The following FAM76B variants were observed in gnomAD, a reference collection of about 807,000 sequenced individuals.
The protein encoded by FAM76B is protein FAM76B.
In FAM76B, 16 loss-of-function variants were observed where a neutral mutation model predicts 51.8. The observed-to-expected ratio is 0.31, with a 90% CI of 0.21 to 0.47. FAM76B has a LOEUF of 0.47. Among genes scored for constraint, FAM76B ranks in the 20% least tolerant of loss-of-function variants. The probability of loss-of-function intolerance (pLI) is 1.00; values close to 1 mark genes in which losing one functional copy is unlikely to be tolerated. For missense variants in FAM76B, 342 were observed against 392.6 expected, an observed-to-expected ratio of 0.87 and a Z score of 1.09; for synonymous variants, 166 against 129.5, an observed-to-expected ratio of 1.28 and a Z score of -1.91.
At position 95,770,601 on chromosome 11, in the gene FAM76B, A is replaced by C. The variant is rs1032143376; in HGVS notation, c.*960T>G. On this transcript the variant is annotated 3_prime_UTR_variant, in exon 10 of 10. Coordinates refer to ENST00000358780, the MANE Select transcript of FAM76B (RefSeq NM_144664.5). The stretch of plus-strand genomic sequence containing the variant: ...CTCTTTAAGAAGCAACTTAAAATTA[A>C]ATCTTTGGGGAACTATTTTGACATA... 3 of 151,810 alleles carry C rather than the reference A, an allele frequency of 2.0e-5. No homozygotes were observed. The highest frequency in any genetic ancestry group is 4.4e-5 in the Non-Finnish European group (3 of 67,470). The allele number at this position is 151,810 out of a possible 1,614,324, so 9.4% of individuals were successfully genotyped here.
chr11:95,776,967 A>G (rs574747504), intron 8 of FAM76B, among the ~76,000 whole-genome samples: 1 of 151,112 alleles, frequency 6.6e-6, no homozygotes, highest in South Asian at 2.1e-4. Flanking sequence ...AATTCAAAGT[A>G]TAACTAAGTT....
Position 95,778,839 on chromosome 11 carries a change from A to C in FAM76B, c.811T>G (p.Leu271Val), listed in dbSNP as rs1396855125. Residue 271 changes from leucine to valine, a missense_variant, in exon 8 of 10, where the codon TTA becomes GTA. Physicochemically the swap from Leu to Val is conservative, Grantham distance 32. Around this residue, in one of 3 missense-constraint regions of FAM76B, gnomAD observed 230 missense variants for 257.4 expected, o/e 0.89. Coordinates refer to ENST00000358780, the MANE Select transcript of FAM76B (RefSeq NM_144664.5). ...GTTCTTACCTTTTTATCTTTTTCTA[A>C]AATGGTCTGGTCTCTCTGCTGTAAG... is the stretch of plus-strand genomic sequence containing the variant. ...RLLQQRDQTI[L>V]EKDKKLTELK... 6.2e-7 allele frequency: 1 copy of C among 1,602,454 alleles called. No homozygotes were observed. The highest frequency in any genetic ancestry group is 1.7e-5 in the Admixed American group (1 of 57,716).
rs377202589 is a variant in FAM76B at position 95,789,751 on chromosome 11, G to C, written c.-273C>G. The C allele has an allele frequency of 1.3e-5, 6 of 446,330 alleles. No homozygotes were observed. Among genetic ancestry groups the C allele is most frequent in the South Asian group, 7.0e-5 (2 of 28,472 alleles). 27.6% of individuals were successfully genotyped at this position (446,330 alleles called of 1,614,324 possible). A position where few individuals can be genotyped will look rare whatever the true frequency, so the allele number is the denominator to read the frequency against. ...GGCGGAGGGAGACGAAGCGGGTAGG[G>C]GGTTGCTGTTTAGCTGTGCGGCCGT... On this transcript the variant is annotated 5_prime_UTR_variant, in exon 1 of 10. Transcript: ENST00000358780.
At position 95,779,943 on chromosome 11, in the gene FAM76B, T is replaced by C. The variant is rs369139641; in HGVS notation, c.564-17A>G. The stretch of plus-strand genomic sequence containing the variant: ...TTGCTGATTCTGAAAAATACACAAA[T>C]GACATCTAATAATGACATTTATTTA... On this transcript the variant is annotated splice_polypyrimidine_tract_variant and intron_variant, in intron 5 of 9. Coordinates refer to ENST00000358780, the MANE Select transcript of FAM76B (RefSeq NM_144664.5). 456 of 1,598,556 alleles carry C rather than the reference T, an allele frequency of 2.9e-4. 2 individuals are homozygous for C. Among genetic ancestry groups the C allele is most frequent in the Non-Finnish European group, 3.4e-4 (396 of 1,172,656 alleles).
chr11:95,779,715 T>C (rs1860170942), intron 6 of FAM76B, 28 bp from the exon 7 acceptor site: 2 of 1,599,682 alleles, frequency 1.3e-6, no homozygotes, highest in Non-Finnish European at 8.5e-7. Context: ...TAAGAATAGT[T>C]AGAGTAAAAA....
chr11:95,789,581 C>T lies in FAM76B; in HGVS notation c.-103G>A, dbSNP rs1860879847. On this transcript the variant is annotated 5_prime_UTR_variant, in exon 1 of 10. Transcript: ENST00000358780. The stretch of plus-strand genomic sequence containing the variant: ...CCGGGCCGCGGGCTCCTCCTCCTCC[C>T]CCTCCCCCTGCCTCGCGCCCACCAG... 1.9e-6 allele frequency: 2 copies of T among 1,028,634 alleles called. No individual in the cohort carries two copies. Among genetic ancestry groups the T allele is most frequent in the Admixed American group, 2.7e-5 (1 of 37,654 alleles). 63.7% of individuals were successfully genotyped at this position (1,028,634 alleles called of 1,614,324 possible).
chr11:95,778,761 C>T lies in FAM76B; in HGVS notation c.828+61G>A, dbSNP rs183410459. ...ATTAAAGGAAGTCTAATAAAATTTG[C>T]GATTATCAAGCAACAGTCAACACAT... is the stretch of plus-strand genomic sequence containing the variant. On this transcript the variant is annotated intron_variant, in intron 8 of 9. Transcript: ENST00000358780. 8.0e-4 allele frequency: 1,189 copies of T among 1,485,134 alleles called. 4 individuals are homozygous for T. The highest frequency in any genetic ancestry group is 6.0e-3 in the African/African-American group (414 of 69,260). 92.0% of individuals were successfully genotyped at this position (1,485,134 alleles called of 1,614,324 possible).
At chr11:95,788,475 TC>T (rs772789336) in intron 2 of FAM76B, 23 bp downstream of exon 2, 1 of 1,562,882 alleles carries the variant, frequency 6.4e-7, no homozygotes, top group South Asian at 1.1e-5. Context: ...TCTTTAACAG[TC>T]AAAAACTATT....
intron 5 of FAM76B, 84 bp from the exon 6 acceptor site, chr11:95,780,010 A>G (rs1591016749): frequency 2.4e-6 from 3 of 1,256,494 alleles, no homozygotes; most frequent in East Asian, 2.5e-5. Context: ...AATGGATACA[A>G]ATTTTATGTT....
rs544476648 is a variant in FAM76B at position 95,789,350 on chromosome 11, G to C, written c.87+42C>G. 2.4e-5 allele frequency: 37 copies of C among 1,552,946 alleles called. 1 individual carries two copies. In the East Asian group the frequency reaches 8.5e-4, roughly 35 times the overall value. ...GGCTACCCGGCCCCCTCCGGCTACG[G>C]CCGAGGACACCCATCCCGCCCGCCT... On this transcript the variant is annotated intron_variant, in intron 1 of 9. Coordinates refer to ENST00000358780, the MANE Select transcript of FAM76B (RefSeq NM_144664.5).
chr11:95,782,514 T>A (rs530094246), intron 5 of FAM76B, among the ~76,000 whole-genome samples: 2 of 152,102 alleles, frequency 1.3e-5, no homozygotes, highest in African/African-American at 4.8e-5. Context: ...GTTGTCTCTA[T>A]TTAAGTAGAG....
chr11:95,774,144 C>A (rs1565284560), intron 9 of FAM76B, among the ~76,000 whole-genome samples: 1 of 150,992 alleles, frequency 6.6e-6, no homozygotes, highest in African/African-American at 2.4e-5. Flanking sequence ...ACCTGAGGAA[C>A]CTGAAGTGGT....
At chr11:95,775,357 A>T (rs1859951665) in intron 9 of FAM76B, among the ~76,000 whole-genome samples, 1 of 151,388 alleles carries the variant, frequency 6.6e-6, no homozygotes, top group South Asian at 2.1e-4. Context: ...CTGTATACTT[A>T]AACTGCTACT....
intron 8 of FAM76B, 37 bp downstream of exon 8, chr11:95,778,785 A>G (rs1565288419): frequency 3.2e-6 from 5 of 1,562,338 alleles, no homozygotes; most frequent in African/African-American, 2.8e-5. Flanking sequence ...CAGTCAACAC[A>G]TAACTCTTAC....
At chr11:95,786,907 A>C (rs915693717) in intron 3 of FAM76B, 2 of 152,272 alleles carry the variant, frequency 1.3e-5, no homozygotes, top group Non-Finnish European at 2.9e-5. Context: ...TGTAGTATAC[A>C]TATAAGACAA....
At chr11:95,775,003 G>GA (rs58327720) in intron 9 of FAM76B, among the ~76,000 whole-genome samples, 14,478 of 140,602 alleles carry the variant, frequency 0.1, 796 homozygotes, top group East Asian at 0.16. Flanking sequence ...GTTACAATGT[G>GA]AAAAAAAAAA....
intron 9 of FAM76B, among the ~76,000 whole-genome samples, chr11:95,772,783 T>G (rs910350910): frequency 4.6e-5 from 7 of 151,072 alleles, no homozygotes; most frequent in Non-Finnish European, 1.0e-4. Flanking sequence ...TGAAATAACC[T>G]TTTTCAAACT....
intron 9 of FAM76B, among the ~76,000 whole-genome samples, chr11:95,773,699 T>G (rs182265062): frequency 6.6e-5 from 10 of 151,436 alleles, no homozygotes; most frequent in Middle Eastern, 3.4e-3. Flanking sequence ...ATAAAACACT[T>G]AGCCTAACAC....
intron 7 of FAM76B, 85 bp downstream of exon 7, chr11:95,779,521 AT>A (rs1199130690): frequency 2.6e-6 from 3 of 1,141,910 alleles, no homozygotes; most frequent in Non-Finnish European, 2.5e-6. Flanking sequence ...ACATGTTTCT[AT>A]TTTTTTATCT....
Sources: allele counts gnomAD v4.1 joint callset (sites outside exome capture counted in the v4.1 genomes callset), GRCh38; gene constraint gnomAD v4.1.1; regional missense constraint gnomAD v4.1.1; transcripts MANE v1.5; gene names NCBI Gene and HGNC (gene_info 2026-07-23, HGNC 2026-07-21).